Variants in ZMAT3 observed in about 807,000 individuals in gnomAD.
The protein encoded by ZMAT3 is zinc finger matrin-type 3.
ZMAT3 carries 17 observed loss-of-function variants against 32.3 expected under a neutral mutation model. The observed-to-expected ratio is 0.53, with a 90% confidence interval of 0.36 to 0.79. ZMAT3 has a LOEUF of 0.79. Ranked by LOEUF, ZMAT3 falls within the 30% of genes least tolerant of loss-of-function variation. The probability of loss-of-function intolerance (pLI) is 0.00; values close to 1 mark genes in which losing one functional copy is unlikely to be tolerated. For missense variants in ZMAT3, 329 were observed against 359.7 expected, an observed-to-expected ratio of 0.91 and a Z score of 0.69; for synonymous variants, 120 against 133.1, an observed-to-expected ratio of 0.90 and a Z score of 0.68.
chr3:179,027,980 G>A (rs1718972308), intron 3 of ZMAT3, among the ~76,000 whole-genome samples, 168 bp from the exon 4 acceptor site: 1 of 152,212 alleles, frequency 6.6e-6, no homozygotes, highest in Non-Finnish European at 1.5e-5. Context: ...AAAAGGCTGG[G>A]AGATACTTAA....
chr3:179,033,385 A>G (rs1044236017), intron 2 of ZMAT3, among the ~76,000 whole-genome samples: 6 of 152,252 alleles, frequency 3.9e-5, no homozygotes, highest in African/African-American at 1.4e-4. Context: ...TGCCTAGGAA[A>G]ACCAGAGACC....
chr3:179,053,291 A>G (rs1337349543), intron 2 of ZMAT3, among the ~76,000 whole-genome samples: 2 of 150,566 alleles, frequency 1.3e-5, no homozygotes, highest in Non-Finnish European at 3.0e-5. Flanking sequence ...ATCTATAGAT[A>G]TAGATATAGA....
intron 2 of ZMAT3, 136 bp from the exon 3 acceptor site, chr3:179,031,135 G>T: frequency 2.9e-6 from 2 of 682,402 alleles, no homozygotes; most frequent in Non-Finnish European, 4.4e-6. Flanking sequence ...TAATTTCCAT[G>T]ACAGTATATT....
At chr3:179,066,305 C>T (rs1444260784) in intron 2 of ZMAT3, among the ~76,000 whole-genome samples, 5 of 152,140 alleles carry the variant, frequency 3.3e-5, no homozygotes, top group Non-Finnish European at 5.9e-5. Context: ...ATATAATTAA[C>T]TCAACTCTCT....
At chr3:179,032,855 CATCCA>C (rs1719351714) in intron 2 of ZMAT3, among the ~76,000 whole-genome samples, 1 of 151,720 alleles carries the variant, frequency 6.6e-6, no homozygotes. Flanking sequence ...GCAGCCACCC[CATCCA>C]GGAGGTGGGG....
chr3:179,033,262 T>G (rs1473883051), intron 2 of ZMAT3, among the ~76,000 whole-genome samples: 1 of 152,188 alleles, frequency 6.6e-6, no homozygotes, highest in Non-Finnish European at 1.5e-5. Flanking sequence ...CAAGATGTGC[T>G]TTGTTAAACA....
At chr3:179,054,393 T>A (rs1245344236) in intron 2 of ZMAT3, among the ~76,000 whole-genome samples, 1 of 152,192 alleles carries the variant, frequency 6.6e-6, no homozygotes, top group Admixed American at 6.5e-5. Flanking sequence ...CAAATACTAG[T>A]CTGACCTCAA....
intron 2 of ZMAT3, among the ~76,000 whole-genome samples, chr3:179,048,889 A>G (rs552792665): frequency 2.3e-4 from 35 of 152,322 alleles, no homozygotes; most frequent in African/African-American, 7.2e-4. Context: ...GGCAAAACGG[A>G]TAAGAATTCA....
Position 179,067,735 on chromosome 3 carries a change from G to T in ZMAT3, c.18C>A (p.His6Gln), listed in dbSNP as rs760329133. The change falls in exon 2 of 6, where the codon CAC (histidine) becomes CAA (glutamine). Residue 6 changes from histidine to glutamine, a missense_variant. Physicochemically the swap from His to Gln is conservative, Grantham distance 24. Coordinates refer to ENST00000311417, the MANE Select transcript of ZMAT3 (RefSeq NM_022470.4). MILLQ[H>Q]AVLPPPKQPS... ...GCTGCTTAGGTGGAGGAAGCACGGC[G>T]TGTTGCAAGAGGATCATTGGGTAGG... 2 of 1,614,098 alleles carry T rather than the reference G, an allele frequency of 1.2e-6. No individual in the cohort carries two copies. The highest frequency in any genetic ancestry group is 2.2e-5 in the South Asian group (2 of 91,082).
chr3:179,067,945 G>C, intron 1 of ZMAT3, 136 bp from the exon 2 acceptor site: 1 of 796,860 alleles, frequency 1.3e-6, no homozygotes, highest in African/African-American at 1.7e-5. Flanking sequence ...CTTTCCTTTG[G>C]CCTCATTTAG....
intron 3 of ZMAT3, 48 bp downstream of exon 3, chr3:179,030,832 T>C (rs1719141633): frequency 6.3e-7 from 1 of 1,584,294 alleles, no homozygotes; most frequent in Admixed American, 1.8e-5. Flanking sequence ...TTTGTGCATA[T>C]TACAGCTTCC....
At chr3:179,029,496 C>T (rs1283695816) in intron 3 of ZMAT3, among the ~76,000 whole-genome samples, 1 of 152,016 alleles carries the variant, frequency 6.6e-6, no homozygotes, top group Admixed American at 6.6e-5. Context: ...GATAGTCTCG[C>T]TCTGTCACCC....
chr3:179,068,516 A>G (rs1721541019), intron 1 of ZMAT3, among the ~76,000 whole-genome samples: 1 of 152,158 alleles, frequency 6.6e-6, no homozygotes, highest in South Asian at 2.1e-4. Context: ...TGACTCAAAA[A>G]AAAAAAAGAC....
chr3:179,043,380 T>C (rs1231375631), intron 2 of ZMAT3, among the ~76,000 whole-genome samples: 2 of 152,038 alleles, frequency 1.3e-5, no homozygotes, highest in Admixed American at 6.6e-5. Context: ...AACAGACATA[T>C]AGACCAATGG....
rs577992909 is a variant in ZMAT3 at position 179,035,939 on chromosome 3, G to A, written c.271-4940C>T. ...AAGAAAACTGTGCACCAAGAAAATA[G>A]CATGAGCAAAAGCCCAGCCTTCTGT... On this transcript the variant is annotated intron_variant, in intron 2 of 5. Coordinates refer to ENST00000311417, the MANE Select transcript of ZMAT3 (RefSeq NM_022470.4). 3.9e-5 allele frequency among the ~76,000 whole-genome samples: 6 copies of A among 152,298 alleles called. No individual in the cohort carries two copies. In the South Asian group the frequency reaches 1.2e-3, roughly 32 times the overall value.
At chr3:179,032,732 C>T (rs1389461176) in intron 2 of ZMAT3, among the ~76,000 whole-genome samples, 2 of 151,530 alleles carry the variant, frequency 1.3e-5, no homozygotes, top group East Asian at 3.9e-4. Flanking sequence ...TGACCAGCCA[C>T]CCTGTCTGAG....
intron 2 of ZMAT3, among the ~76,000 whole-genome samples, chr3:179,045,682 G>T (rs1233561420): frequency 6.6e-6 from 1 of 152,044 alleles, no homozygotes; most frequent in Non-Finnish European, 1.5e-5. Flanking sequence ...CTACATCTAG[G>T]GGCATAGGAT....
At chr3:179,064,380 A>G (rs1213044346) in intron 2 of ZMAT3, among the ~76,000 whole-genome samples, 3 of 152,148 alleles carry the variant, frequency 2.0e-5, no homozygotes, top group Admixed American at 1.3e-4. Flanking sequence ...TTAGTCTACA[A>G]TCATTGGCAT....
At chr3:179,032,944 T>C (rs1280207104) in intron 2 of ZMAT3, among the ~76,000 whole-genome samples, 4 of 139,358 alleles carry the variant, frequency 2.9e-5, no homozygotes, top group Non-Finnish European at 6.3e-5. Context: ...CGTCTGGGAA[T>C]TGAGGAGCCT....
Sources: allele counts gnomAD v4.1 joint callset (sites outside exome capture counted in the v4.1 genomes callset), GRCh38; gene constraint gnomAD v4.1.1; transcripts MANE v1.5; gene names NCBI Gene and HGNC (gene_info 2026-07-23, HGNC 2026-07-21).